ELOVL6: variants seen among roughly 807,000 people sequenced by gnomAD.
ELOVL6 encodes very long chain fatty acid elongase 6.
Under a neutral mutation model 31.7 loss-of-function variants are expected in ELOVL6, and 8 were observed. The ratio of observed to expected loss-of-function variants is 0.25; its 90% confidence interval spans 0.15 to 0.45. The LOEUF (loss-of-function observed/expected upper bound fraction) is 0.45, where lower values mean the gene tolerates loss of function less well. ELOVL6 is among the 20% of genes least tolerant of loss of function. ELOVL6 has a pLI of 1.00. For missense variants in ELOVL6, 126 were observed against 326.4 expected, an observed-to-expected ratio of 0.39 and a Z score of 4.73; for synonymous variants, 101 against 117.7, an observed-to-expected ratio of 0.86 and a Z score of 0.92.
At chr4:110,112,328 T>C (rs1757058565) in intron 1 of ELOVL6, among the ~76,000 whole-genome samples, 1 of 152,184 alleles carries the variant, frequency 6.6e-6, no homozygotes, top group Admixed American at 6.5e-5. Context: ...TAGGAATGAA[T>C]ATTCTCCTGT....
At chr4:110,131,543 TATA>T (rs1757670564) in intron 1 of ELOVL6, among the ~76,000 whole-genome samples, 1 of 151,864 alleles carries the variant, frequency 6.6e-6, no homozygotes, top group Non-Finnish European at 1.5e-5. Flanking sequence ...ACTCAATATC[TATA>T]ATATTCATAA....
chr4:110,198,616 G>T, upstream of ELOVL6: 3 of 372,844 alleles, frequency 8.0e-6, no homozygotes, highest in Non-Finnish European at 1.5e-5. Context: ...CGGTCTTAGT[G>T]CCCGCACGTT....
intron 2 of ELOVL6, among the ~76,000 whole-genome samples, chr4:110,085,443 G>A (rs1756231843): frequency 1.3e-5 from 2 of 152,222 alleles, no homozygotes; most frequent in South Asian, 4.1e-4. Flanking sequence ...ATTAAGAAAT[G>A]CATGAGTAAA....
chr4:110,142,728 T>C (rs1159926109), intron 1 of ELOVL6, among the ~76,000 whole-genome samples: 3 of 152,232 alleles, frequency 2.0e-5, no homozygotes, highest in Non-Finnish European at 4.4e-5. Context: ...CTTCAACTTC[T>C]AGTTAATTCC....
At chr4:110,177,570 G>C (rs901943322) in intron 1 of ELOVL6, among the ~76,000 whole-genome samples, 4 of 152,078 alleles carry the variant, frequency 2.6e-5, no homozygotes, top group Non-Finnish European at 5.9e-5. Flanking sequence ...CCATGCCACT[G>C]CTCCTTTCTT....
At chr4:110,177,404 G>A (rs966181884) in intron 1 of ELOVL6, among the ~76,000 whole-genome samples, 10 of 151,964 alleles carry the variant, frequency 6.6e-5, no homozygotes, top group Admixed American at 1.3e-4. Context: ...GCCACTGCAC[G>A]CCAGCCTGGC....
At chr4:110,069,152 TAATAATAATAATAATAATAGG>T (rs1487304469) in intron 2 of ELOVL6, among the ~76,000 whole-genome samples, 1 of 141,276 alleles carries the variant, frequency 7.1e-6, no homozygotes, top group Admixed American at 8.0e-5. Context: ...ATAATAATAA[TAATAATAATAATAATAATAGG>T]GACACTTGGT....
chr4:110,157,158 A>G (rs954899556), intron 1 of ELOVL6, among the ~76,000 whole-genome samples: 8 of 152,180 alleles, frequency 5.3e-5, no homozygotes, highest in Admixed American at 6.5e-5. Flanking sequence ...GAAAGGCTCA[A>G]ACATTTTATT....
chr4:110,109,895 C>T (rs968502480), intron 1 of ELOVL6, among the ~76,000 whole-genome samples: 4 of 152,112 alleles, frequency 2.6e-5, no homozygotes, highest in Non-Finnish European at 5.9e-5. Flanking sequence ...ATCTACATGG[C>T]CTTCATTATG....
chr4:110,080,369 A>G (rs1755800128), intron 2 of ELOVL6, among the ~76,000 whole-genome samples: 6 of 152,256 alleles, frequency 3.9e-5, no homozygotes. Flanking sequence ...CAAATCCAGC[A>G]GCGCATCAAA....
At chr4:110,187,864 A>G (rs13145689) in intron 1 of ELOVL6, among the ~76,000 whole-genome samples, 53,075 of 152,008 alleles carry the variant, frequency 0.35, 9,443 homozygotes, top group South Asian at 0.49. Context: ...TAACAGTGGC[A>G]GCCTCTGGAA....
intron 1 of ELOVL6, among the ~76,000 whole-genome samples, chr4:110,127,648 T>C (rs2126256194): frequency 6.6e-6 from 1 of 152,260 alleles, no homozygotes; most frequent in African/African-American, 2.4e-5. Context: ...ATCAAATATA[T>C]TTATTTAATA....
At chr4:110,123,943 T>G (rs1450154854) in intron 1 of ELOVL6, among the ~76,000 whole-genome samples, 1 of 152,214 alleles carries the variant, frequency 6.6e-6, no homozygotes, top group Non-Finnish European at 1.5e-5. Context: ...GAAGGTTTGT[T>G]TGTTTTTATC....
intron 1 of ELOVL6, among the ~76,000 whole-genome samples, chr4:110,151,369 T>C (rs1758276019): frequency 6.6e-6 from 1 of 152,292 alleles, no homozygotes; most frequent in South Asian, 2.1e-4. Flanking sequence ...AATAATTTTA[T>C]GCATTAAACA....
At chr4:110,070,786 C>T (rs1273249516) in intron 2 of ELOVL6, among the ~76,000 whole-genome samples, 1 of 152,150 alleles carries the variant, frequency 6.6e-6, no homozygotes, top group Admixed American at 6.5e-5. Context: ...TGCCTGCTTC[C>T]CCAGTCGCCT....
intron 2 of ELOVL6, among the ~76,000 whole-genome samples, chr4:110,078,422 G>T (rs1251438919): frequency 6.6e-6 from 1 of 152,168 alleles, no homozygotes; most frequent in Admixed American, 6.5e-5. Context: ...AGAAGAGAGT[G>T]GGGGCCAATA....
chr4:110,189,560 C>G (rs1473252989), intron 1 of ELOVL6, among the ~76,000 whole-genome samples: 1 of 126,596 alleles, frequency 7.9e-6, no homozygotes, highest in African/African-American at 3.1e-5. Context: ...TGCCACTGCA[C>G]TCAGACTGGG....
chr4:110,101,166 A>T (rs1212550854), intron 2 of ELOVL6, among the ~76,000 whole-genome samples: 1 of 152,020 alleles, frequency 6.6e-6, no homozygotes, highest in Non-Finnish European at 1.5e-5. Flanking sequence ...CAGCCTCCCG[A>T]GTAGCTAGGA....
intron 2 of ELOVL6, among the ~76,000 whole-genome samples, chr4:110,089,268 A>G (rs1756352403): frequency 1.3e-5 from 2 of 152,216 alleles, no homozygotes; most frequent in Admixed American, 1.3e-4. Context: ...TCAGCTTAAT[A>G]TAACTACAGT....
Sources: allele counts gnomAD v4.1 joint callset (sites outside exome capture counted in the v4.1 genomes callset), GRCh38; gene constraint gnomAD v4.1.1; transcripts MANE v1.5; gene names NCBI Gene and HGNC (gene_info 2026-07-23, HGNC 2026-07-21).